Variants in SMARCAL1 observed in about 807,000 individuals in gnomAD.
SMARCAL1 encodes the protein SNF2 related chromatin remodeling annealing helicase 1.
In SMARCAL1, 58 loss-of-function variants were observed where a neutral mutation model predicts 94.5. The ratio of observed to expected loss-of-function variants is 0.61; its 90% confidence interval spans 0.50 to 0.76. The LOEUF is 0.76. Ranked by LOEUF, SMARCAL1 falls within the 30% of genes least tolerant of loss-of-function variation. The pLI is 0.00. For synonymous variants in SMARCAL1, 422 were observed against 455.1 expected (o/e 0.93, Z 0.93); for missense variants, 1,051 against 1,177.9 (o/e 0.89, Z 1.58).
intron 11 of SMARCAL1, among the ~76,000 whole-genome samples, chr2:216,450,109 C>T (rs907989352): frequency 3.3e-5 from 5 of 152,192 alleles, no homozygotes; most frequent in Non-Finnish European, 7.3e-5. Context: ...CTCCGCCTCC[C>T]AAAGTGCTGG....
chr2:216,414,595 T>G (rs1446958999), intron 2 of SMARCAL1, 52 bp from the exon 3 acceptor site: 1 of 925,714 alleles, frequency 1.1e-6, no homozygotes, highest in South Asian at 1.4e-5. Context: ...GGTTGGAGTA[T>G]GACAATTAAT....
At chr2:216,420,028 C>CAAAAAAAAAAAAAA (rs60555710) in intron 4 of SMARCAL1, among the ~76,000 whole-genome samples, 65 of 39,812 alleles carry the variant, frequency 1.6e-3, no homozygotes, top group East Asian at 3.6e-3. Context: ...GACCCCGTCT[C>CAAAAAAAAAAAAAA]AAAAAAAAAA....
At chr2:216,466,779 A>T (rs2106075667) in intron 13 of SMARCAL1, among the ~76,000 whole-genome samples, 1 of 152,250 alleles carries the variant, frequency 6.6e-6, no homozygotes. Flanking sequence ...TGCTTATATC[A>T]TGGCAAATTT....
intron 8 of SMARCAL1, among the ~76,000 whole-genome samples, chr2:216,434,717 C>T (rs1204706609): frequency 6.6e-6 from 1 of 151,716 alleles, no homozygotes; most frequent in Non-Finnish European, 1.5e-5. Context: ...TGGTGGTGTG[C>T]ACCTGTAGTC....
intron 6 of SMARCAL1, among the ~76,000 whole-genome samples, chr2:216,424,345 A>C (rs1693785985): frequency 1.3e-5 from 2 of 152,264 alleles, no homozygotes; most frequent in South Asian, 4.1e-4. Context: ...GTCATATCTC[A>C]GACTGTACCA....
Position 216,475,145 on chromosome 2 carries a change from C to T in SMARCAL1, c.2245-124C>T, listed in dbSNP as rs767452795. The T allele has an allele frequency of 2.7e-5, 23 of 853,402 alleles. No homozygotes were observed. In the Middle Eastern group the frequency reaches 1.3e-3, roughly 49 times the overall value. The allele number at this position is 853,402 out of a possible 1,614,324, so 52.9% of individuals were successfully genotyped here. A position where few individuals can be genotyped will look rare whatever the true frequency, so the allele number is the denominator to read the frequency against. Reference sequence around the variant, plus strand: ...ACCAATGTCAATTTGAAAAGAAAAGCTCTGAAGGCAGGGGCCTCTGCTGAG... The same window carrying T: ...ACCAATGTCAATTTGAAAAGAAAAGTTCTGAAGGCAGGGGCCTCTGCTGAG... On this transcript the variant is annotated intron_variant, in intron 14 of 17. Transcript: ENST00000357276. This position sits in a 1 kb window ranked among gnomAD's most constrained non-coding sequence, Gnocchi z 4.4.
chr2:216,453,062 C>T (rs1694484783), intron 12 of SMARCAL1, among the ~76,000 whole-genome samples: 1 of 152,180 alleles, frequency 6.6e-6, no homozygotes, highest in Non-Finnish European at 1.5e-5. Flanking sequence ...TGCCAGTTGC[C>T]CAGAATCCTG....
intron 17 of SMARCAL1, among the ~76,000 whole-genome samples, chr2:216,481,620 C>T (rs1182043456): frequency 1.3e-5 from 2 of 152,102 alleles, no homozygotes; most frequent in African/African-American, 4.8e-5. Flanking sequence ...TCTTGTGCCT[C>T]AGCCTCCCAA....
Position 216,412,521 on chromosome 2 carries a change from A to G in SMARCAL1, c.-223A>G, listed in dbSNP as rs1400262173. 6.6e-6 allele frequency: 1 copy of G among 152,238 alleles called. No individual in the cohort carries two copies. The highest frequency in any genetic ancestry group is 1.9e-4 in the East Asian group (1 of 5,186). 9.4% of individuals were successfully genotyped at this position (152,238 alleles called of 1,614,324 possible). A position where few individuals can be genotyped will look rare whatever the true frequency, so the allele number is the denominator to read the frequency against. ...CTGGCCGCTACAATAAGGCTGGCGAACTCGCAGCGCTTGAATACCCGTGGC... is the reference window on the plus strand; with the variant it reads ...CTGGCCGCTACAATAAGGCTGGCGAGCTCGCAGCGCTTGAATACCCGTGGC... On this transcript the variant is annotated 5_prime_UTR_variant, in exon 1 of 18. Transcript: ENST00000357276.
chr2:216,423,178 A>T (rs891479522), intron 5 of SMARCAL1, among the ~76,000 whole-genome samples: 1 of 152,232 alleles, frequency 6.6e-6, no homozygotes, highest in Non-Finnish European at 1.5e-5. Flanking sequence ...CACTGACCAC[A>T]TGCAACTTGT....
Position 216,432,648 on chromosome 2 carries a change from C to T in SMARCAL1, c.1335-70C>T, listed in dbSNP as rs909599358. On this transcript the variant is annotated intron_variant, in intron 7 of 17. Transcript: ENST00000357276. The stretch of plus-strand genomic sequence containing the variant: ...AGTGGCCTTCACCCAGCAGTGCTGA[C>T]CCACCGGACATGAGGGCAGATGAAC... 8.2e-6 allele frequency: 13 copies of T among 1,592,644 alleles called. No homozygotes were observed. In the African/African-American group the frequency reaches 1.7e-4, roughly 21 times the overall value.
chr2:216,455,421 C>T (rs1014389322), intron 12 of SMARCAL1, among the ~76,000 whole-genome samples: 1 of 152,210 alleles, frequency 6.6e-6, no homozygotes, highest in African/African-American at 2.4e-5. Flanking sequence ...GTCCCTGACC[C>T]CTGAGTTGCC....
intron 17 of SMARCAL1, among the ~76,000 whole-genome samples, chr2:216,480,906 T>C (rs1009517354): frequency 6.6e-6 from 1 of 152,180 alleles, no homozygotes; most frequent in African/African-American, 2.4e-5. Flanking sequence ...CAAAGATCTG[T>C]AGGCTGTTTG....
intron 15 of SMARCAL1, among the ~76,000 whole-genome samples, chr2:216,476,735 C>A (rs1303829247): frequency 2.6e-5 from 4 of 152,178 alleles, no homozygotes; most frequent in Non-Finnish European, 2.9e-5. Flanking sequence ...TTATTTCATA[C>A]AGTGAAGAAA....
chr2:216,457,728 G>C (rs1314485826), intron 12 of SMARCAL1, among the ~76,000 whole-genome samples: 2 of 152,150 alleles, frequency 1.3e-5, no homozygotes. Flanking sequence ...GCCCACAAGA[G>C]AAAGCAGGAA....
chr2:216,442,349 G>A (rs1248251708), intron 10 of SMARCAL1, among the ~76,000 whole-genome samples: 1 of 151,314 alleles, frequency 6.6e-6, no homozygotes, highest in African/African-American at 2.4e-5. Flanking sequence ...CCTGAGAGGC[G>A]GAGGTTGCCC....
chr2:216,433,751 T>C (rs1694014921), intron 8 of SMARCAL1, among the ~76,000 whole-genome samples: 1 of 152,138 alleles, frequency 6.6e-6, no homozygotes, highest in African/African-American at 2.4e-5. Flanking sequence ...ACAAACTCAG[T>C]GAAGAAGGAA....
rs1574443795 is a variant in SMARCAL1, at chr2:216,415,438, G to A, written c.734G>A (p.Gly245Asp). ...CAGAAGGGAAAGTGCGTAAGGAACG[G>A]CGATCGTTTCCAGGTGTTGATTGGG... ...NSQKGKCVRN[G>D]DRFQVLIGYN... The change falls in exon 3 of 18, where the codon GGC becomes GAC. Residue 245 changes from glycine (G) to aspartate (D), a missense_variant. Coordinates refer to ENST00000357276, the MANE Select transcript of SMARCAL1 (RefSeq NM_014140.4). The A allele has an allele frequency of 3.7e-6, 6 of 1,614,220 alleles. No individual in the cohort carries two copies. In the African/African-American group the frequency reaches 8.0e-5, roughly 22 times the overall value.
At chr2:216,418,346 A>C (rs1217971266) in intron 4 of SMARCAL1, among the ~76,000 whole-genome samples, 3 of 152,152 alleles carry the variant, frequency 2.0e-5, no homozygotes, top group Non-Finnish European at 4.4e-5. Flanking sequence ...TTTCAGATGA[A>C]TTTTTCTAAT....
Sources: allele counts gnomAD v4.1 joint callset (sites outside exome capture counted in the v4.1 genomes callset), GRCh38; gene constraint gnomAD v4.1.1; non-coding constraint Gnocchi (gnomAD v3.1); transcripts MANE v1.5; gene names NCBI Gene and HGNC (gene_info 2026-07-23, HGNC 2026-07-21).